The following ULK4 variants were observed in gnomAD, a reference collection of about 807,000 sequenced individuals.
ULK4 encodes inactive serine/threonine-protein kinase ULK4.
A neutral mutation model predicts 160.6 loss-of-function variants in ULK4; 133 were observed. The observed-to-expected ratio is 0.83, with a 90% CI of 0.72 to 0.96. The LOEUF (loss-of-function observed/expected upper bound fraction) is 0.96, where lower values mean the gene tolerates loss of function less well. Ranked by LOEUF, ULK4 falls within the 40% of genes least tolerant of loss-of-function variation. ULK4 has a pLI of 0.00. For synonymous variants in ULK4, 534 were observed against 539.8 expected (o/e 0.99, Z 0.15); for missense variants, 1,580 against 1,499.5 (o/e 1.05, Z -0.89).
In ULK4 at chr3:41,715,585, A is replaced by G. The variant is rs535302014; in HGVS notation, c.2456-17T>C. On this transcript the variant is annotated splice_polypyrimidine_tract_variant and intron_variant, in intron 23 of 36. Transcript: ENST00000301831. ...GAATGTCACCTGTGAAGCACAGCCC[A>G]GAGCATATGTGGAGGTTAAAAACCA... is the stretch of plus-strand genomic sequence containing the variant. 50 of 1,614,016 alleles carry G rather than the reference A, an allele frequency of 3.1e-5. 1 individual carries two copies. The South Asian group carries it at 4.8e-4, about 16-fold the overall frequency.
intron 35 of ULK4, among the ~76,000 whole-genome samples, chr3:41,274,336 A>G (rs34405332): frequency 0.018 from 2,722 of 152,274 alleles, 47 homozygotes; most frequent in South Asian, 0.067. Context: ...ACTTTTGTGC[A>G]TGTGCATTGG....
At chr3:41,686,648 A>G (rs1016382258) in intron 27 of ULK4, among the ~76,000 whole-genome samples, 1 of 152,214 alleles carries the variant, frequency 6.6e-6, no homozygotes, top group Non-Finnish European at 1.5e-5. Context: ...TGACATAGGA[A>G]AAGTTCTAGC....
chr3:41,332,418 T>C (rs1010921330), intron 35 of ULK4, among the ~76,000 whole-genome samples: 1 of 152,222 alleles, frequency 6.6e-6, no homozygotes. Context: ...CACTTTGTGC[T>C]ACAAAAGGAT....
intron 32 of ULK4, among the ~76,000 whole-genome samples, chr3:41,523,994 A>C (rs2086022910): frequency 6.6e-6 from 1 of 152,208 alleles, no homozygotes; most frequent in African/African-American, 2.4e-5. Flanking sequence ...TGAACCTTGA[A>C]AATGTTATGC....
chr3:41,942,763 C>T (rs1699998153), intron 2 of ULK4, among the ~76,000 whole-genome samples: 1 of 152,074 alleles, frequency 6.6e-6, no homozygotes, highest in Non-Finnish European at 1.5e-5. Context: ...CTGCAGTGAG[C>T]CAAGATGGTG....
Position 41,819,502 on chromosome 3 carries a change from T to TC in ULK4, c.1768dup (p.Glu590GlyfsTer7), listed in dbSNP as rs753990219. On this transcript the variant is annotated frameshift_variant, in exon 19 of 37. Coordinates refer to ENST00000301831, the MANE Select transcript of ULK4 (RefSeq NM_017886.4). LOFTEE classifies it high-confidence loss of function. ...GCACTCTCTAGGGTTCTTTTTTTTT[T>TC]CTTCCTAAAATGAAGTGGGAAAAAA... 6.3e-7 allele frequency: 1 copy of TC among 1,598,384 alleles called. No individual in the cohort carries two copies. The highest frequency in any genetic ancestry group is 8.5e-7 in the Non-Finnish European group (1 of 1,177,898).
At chr3:41,673,099 C>A (rs1012294163) in intron 29 of ULK4, among the ~76,000 whole-genome samples, 5 of 152,188 alleles carry the variant, frequency 3.3e-5, no homozygotes, top group African/African-American at 9.6e-5. Flanking sequence ...CTCTATCTAT[C>A]AAAGTGCTGG....
intron 32 of ULK4, among the ~76,000 whole-genome samples, chr3:41,487,816 A>G (rs1470298605): frequency 1.3e-5 from 2 of 152,118 alleles, no homozygotes; most frequent in Non-Finnish European, 2.9e-5. Context: ...CAAAAGACTA[A>G]ATAAAGTTAA....
chr3:41,799,389 A>C (rs1021751196), intron 20 of ULK4, among the ~76,000 whole-genome samples: 1 of 152,302 alleles, frequency 6.6e-6, no homozygotes, highest in Admixed American at 6.5e-5. Context: ...CAAAACACAA[A>C]AACACCAAAA....
intron 30 of ULK4, among the ~76,000 whole-genome samples, chr3:41,643,192 T>A (rs1250148685): frequency 6.6e-6 from 1 of 152,154 alleles, no homozygotes; most frequent in African/African-American, 2.4e-5. Flanking sequence ...GCCCTTTAGT[T>A]TAATTAGATC....
At chr3:41,376,440 C>T (rs866225101) in intron 35 of ULK4, among the ~76,000 whole-genome samples, 15 of 150,086 alleles carry the variant, frequency 1.0e-4, no homozygotes, top group Middle Eastern at 6.4e-3. Context: ...AATTGTCCCT[C>T]TTTGCAGACG....
intron 32 of ULK4, among the ~76,000 whole-genome samples, chr3:41,492,727 A>T (rs1225301371): frequency 6.6e-6 from 1 of 151,894 alleles, no homozygotes; most frequent in Non-Finnish European, 1.5e-5. Flanking sequence ...AAAAGGATGG[A>T]GGAAGATCTA....
rs573224942 is a variant in ULK4 at position 41,378,298 on chromosome 3, A to G, written c.3678+19781T>C. Among the ~76,000 whole-genome samples the G allele has an allele frequency of 6.6e-5, 10 of 151,516 alleles. No individual in the cohort carries two copies. In the South Asian group the frequency reaches 1.9e-3, roughly 29 times the overall value. On this transcript the variant is annotated intron_variant, in intron 35 of 36. Coordinates refer to ENST00000301831, the MANE Select transcript of ULK4 (RefSeq NM_017886.4). ...TAGATGACGAGTTAGTGGGTGCAGCACACCAGCATGGCACATGTATACATA... is the reference window on the plus strand; with the variant it reads ...TAGATGACGAGTTAGTGGGTGCAGCGCACCAGCATGGCACATGTATACATA...
chr3:41,548,681 C>T (rs900909876), intron 32 of ULK4, among the ~76,000 whole-genome samples: 11 of 135,222 alleles, frequency 8.1e-5, no homozygotes, highest in Middle Eastern at 3.9e-3. Context: ...CTGCCCACTA[C>T]TGCCACCTCC....
chr3:41,424,544 G>A (rs1383500780), intron 34 of ULK4, among the ~76,000 whole-genome samples: 1 of 152,066 alleles, frequency 6.6e-6, no homozygotes, highest in East Asian at 1.9e-4. Flanking sequence ...GCACCTCTGG[G>A]ACAGAGATTC....
intron 35 of ULK4, among the ~76,000 whole-genome samples, chr3:41,357,570 T>A (rs182309189): frequency 3.4e-4 from 51 of 151,860 alleles, no homozygotes; most frequent in African/African-American, 1.2e-3. Context: ...AGCTGAGAGA[T>A]CCTTGGCACT....
At chr3:41,412,871 A>G (rs931223373) in intron 34 of ULK4, among the ~76,000 whole-genome samples, 2 of 152,014 alleles carry the variant, frequency 1.3e-5, no homozygotes, top group Non-Finnish European at 2.9e-5. Flanking sequence ...AAGAGAATAC[A>G]TTTTCAAAAA....
chr3:41,247,034 T>G, intron 36 of ULK4, 42 bp from the exon 37 acceptor site: 76 of 1,578,150 alleles, frequency 4.8e-5, no homozygotes, highest in Non-Finnish European at 5.5e-5. Context: ...TAGGCATCTC[T>G]AAGGTAAAGT....
At chr3:41,304,374 A>G (rs1358848343) in intron 35 of ULK4, among the ~76,000 whole-genome samples, 1 of 152,096 alleles carries the variant, frequency 6.6e-6, no homozygotes, top group African/African-American at 2.4e-5. Context: ...TGTATAAGCC[A>G]CTGAGTATCT....
Sources: gnomAD v4.1 joint callset for allele counts (sites outside exome capture counted in the v4.1 genomes callset) on GRCh38, gnomAD v4.1.1 for gene constraint, MANE v1.5 for transcripts, NCBI Gene and HGNC (gene_info 2026-07-23, HGNC 2026-07-21) for gene names.